The following CFAP70 variants were observed in gnomAD, a reference collection of about 807,000 sequenced individuals.
CFAP70 encodes the protein cilia- and flagella-associated protein 70.
Under a neutral mutation model 137.6 loss-of-function variants are expected in CFAP70, and 81 were observed. That is an observed-to-expected ratio of 0.59 (90% CI 0.49 to 0.71). The LOEUF is 0.71. Among genes scored for constraint, CFAP70 ranks in the 30% least tolerant of loss-of-function variants. The pLI, the probability that CFAP70 is intolerant of heterozygous loss-of-function variation, is 0.00. For missense variants in CFAP70, 976 were observed against 1,226.7 expected, an observed-to-expected ratio of 0.80 and a Z score of 3.05; for synonymous variants, 382 against 423.6, an observed-to-expected ratio of 0.90 and a Z score of 1.20.
chr10:73,353,405 C>T, intron 3 of CFAP70, 151 bp downstream of exon 3: 1 of 725,358 alleles, frequency 1.4e-6, no homozygotes. Context: ...GTTTCAGTTC[C>T]TGCCTTGCTT....
chr10:73,303,465 GC>G (rs2049123431), intron 12 of CFAP70, among the ~76,000 whole-genome samples: 1 of 152,122 alleles, frequency 6.6e-6, no homozygotes, highest in Non-Finnish European at 1.5e-5. Flanking sequence ...TGATCCACCT[GC>G]CTTGGCCTCC....
chr10:73,256,291 G>A (rs574262664), intron 26 of CFAP70, 78 bp downstream of exon 27: 4 of 1,512,424 alleles, frequency 2.6e-6, no homozygotes, highest in Non-Finnish European at 3.7e-6. Context: ...TGAAAGTCCT[G>A]AATTAAGCCA....
exon 26 of CFAP70, chr10:73,256,393 C>T (rs116216859): frequency 6.2e-7 from 1 of 1,614,116 alleles, no homozygotes; most frequent in African/African-American, 1.3e-5. Context: ...TGTAGGCCTG[C>T]TCAGCTTCTA....
chr10:73,302,883 C>CTTTTTTTT (rs1554895440), intron 12 of CFAP70, among the ~76,000 whole-genome samples: 2 of 131,002 alleles, frequency 1.5e-5, no homozygotes, highest in African/African-American at 5.9e-5. Context: ...CTTTTCTTTT[C>CTTTTTTTT]TTTTTTTTTT....
At chr10:73,263,779 T>C (rs2045498242) in intron 25 of CFAP70, among the ~76,000 whole-genome samples, 1 of 152,236 alleles carries the variant, frequency 6.6e-6, no homozygotes, top group African/African-American at 2.4e-5. Context: ...ACTTTGAGAC[T>C]ATGAAATATT....
intron 19 of CFAP70, among the ~76,000 whole-genome samples, chr10:73,281,498 T>A (rs1008544287): frequency 2.0e-5 from 3 of 152,156 alleles, no homozygotes; most frequent in African/African-American, 7.2e-5. Flanking sequence ...TTTTCCTATA[T>A]ATCTAGTGAT....
chr10:73,355,433 A>G (rs2054594751), intron 1 of CFAP70, among the ~76,000 whole-genome samples: 1 of 152,200 alleles, frequency 6.6e-6, no homozygotes, highest in African/African-American at 2.4e-5. Context: ...TAGCTGCAGG[A>G]AAACAAGCTC....
Position 73,293,403 on chromosome 10 carries a change from G to C in CFAP70, c.1645-15C>G. On this transcript the variant is annotated splice_polypyrimidine_tract_variant and intron_variant, in intron 15 of 26. Transcript: ENST00000310715. Reference sequence around the variant, plus strand: ...TCTGGCATGGTCTTGTCAATGTCAAGATGTTAGGTAGACAAAAATGAAACA... The same window carrying C: ...TCTGGCATGGTCTTGTCAATGTCAACATGTTAGGTAGACAAAAATGAAACA... 1 of 1,563,844 alleles carries C rather than the reference G, an allele frequency of 6.4e-7. No homozygotes were observed. The highest frequency in any genetic ancestry group is 8.6e-7 in the Non-Finnish European group (1 of 1,157,212).
chr10:73,292,886 C>T (rs78707782), intron 16 of CFAP70, among the ~76,000 whole-genome samples: 6,612 of 152,086 alleles, frequency 0.043, 441 homozygotes, highest in African/African-American at 0.14. Flanking sequence ...TTCGGTGTCA[C>T]GTCTAAGAAC....
intron 4 of CFAP70, 26 bp from the exon 6 acceptor site, chr10:73,345,270 A>G (rs770131654): frequency 9.4e-6 from 15 of 1,595,634 alleles, no homozygotes; most frequent in Non-Finnish European, 1.3e-5. Context: ...ATTATGCAGC[A>G]TTTTGAAAAT....
intron 3 of CFAP70, among the ~76,000 whole-genome samples, chr10:73,351,029 GTATATGTGTGTATATA>G (rs2054172555): frequency 7.3e-6 from 1 of 137,000 alleles, no homozygotes; most frequent in Non-Finnish European, 1.6e-5. Flanking sequence ...ATATATATGT[GTATATGTGTGTATATA>G]TGTGTGTGTG....
chr10:73,348,033 C>T lies in CFAP70; in HGVS notation c.349+390G>A, dbSNP rs143013674. On this transcript the variant is annotated intron_variant, in intron 4 of 26. Coordinates refer to ENST00000310715, the Ensembl canonical transcript of CFAP70. ...TATCTTTGTTTCCCAGAATCTAACA[C>T]TAAGTGTGCTGTGAAAAGAAAATGC... is the stretch of plus-strand genomic sequence containing the variant. 580 of 816,594 alleles carry T rather than the reference C, an allele frequency of 7.1e-4. 2 individuals are homozygous for T. In the East Asian group the frequency reaches 0.011, roughly 16 times the overall value. The allele number at this position is 816,594 out of a possible 1,614,324, so 50.6% of individuals were successfully genotyped here.
intron 9 of CFAP70, among the ~76,000 whole-genome samples, chr10:73,320,726 G>A (rs1458242136): frequency 1.3e-5 from 2 of 151,126 alleles, no homozygotes; most frequent in African/African-American, 4.9e-5. Context: ...GGAGTGCAGT[G>A]GCACAATCTC....
intron 8 of CFAP70, among the ~76,000 whole-genome samples, chr10:73,323,767 CT>C (rs1818970999): frequency 6.6e-6 from 1 of 152,248 alleles, no homozygotes; most frequent in South Asian, 2.1e-4. Context: ...AGCAGCAAGG[CT>C]GGGGGAGGGG....
At chr10:73,324,794 T>C (rs1214500190) in intron 8 of CFAP70, among the ~76,000 whole-genome samples, 13 of 152,030 alleles carry the variant, frequency 8.6e-5, no homozygotes, top group African/African-American at 2.9e-4. Flanking sequence ...GAAAAAAGAA[T>C]AAAAAGAAAC....
At chr10:73,319,361 G>A (rs2132171430) in intron 9 of CFAP70, among the ~76,000 whole-genome samples, 1 of 152,148 alleles carries the variant, frequency 6.6e-6, no homozygotes, top group South Asian at 2.1e-4. Flanking sequence ...ACTCCCCCTA[G>A]CCAGTTAACA....
At chr10:73,296,693 A>G (rs2048571631) in intron 15 of CFAP70, 2 of 159,408 alleles carry the variant, frequency 1.3e-5, no homozygotes, top group African/African-American at 2.4e-5. Flanking sequence ...ATGATATTCA[A>G]TAAAAAATTA....
At chr10:73,253,882 T>C in exon 27 of CFAP70, 1 of 983,842 alleles carries the variant, frequency 1.0e-6, no homozygotes, top group African/African-American at 1.6e-5. Context: ...GAAGATTCTT[T>C]CGTTCTCCAG....
chr10:73,289,523 A>G (rs2048005569), intron 19 of CFAP70, among the ~76,000 whole-genome samples: 1 of 151,762 alleles, frequency 6.6e-6, no homozygotes, highest in African/African-American at 2.4e-5. Flanking sequence ...TGACCTTGTG[A>G]TCCGCCTGCC....
Sources: gnomAD v4.1 joint callset for allele counts (sites outside exome capture counted in the v4.1 genomes callset) on GRCh38, gnomAD v4.1.1 for gene constraint, MANE v1.5 for transcripts, NCBI Gene and HGNC (gene_info 2026-07-23, HGNC 2026-07-21) for gene names.